PCDH9: variants seen among roughly 807,000 people sequenced by gnomAD.
PCDH9 encodes the protein protocadherin 9.
A neutral mutation model predicts 70.6 loss-of-function variants in PCDH9; 24 were observed. That is an observed-to-expected ratio of 0.34 (90% CI 0.25 to 0.48). The LOEUF is 0.48. Among genes scored for constraint, PCDH9 ranks in the 20% least tolerant of loss-of-function variants. The probability of loss-of-function intolerance (pLI) is 0.99; values close to 1 mark genes in which losing one functional copy is unlikely to be tolerated. For synonymous variants in PCDH9, 562 were observed against 558.5 expected (o/e 1.01, Z -0.09); for missense variants, 1,281 against 1,503.6 (o/e 0.85, Z 2.45).
At chr13:66,871,193 T>A (rs1249701605) in intron 3 of PCDH9, among the ~76,000 whole-genome samples, 2 of 140,284 alleles carry the variant, frequency 1.4e-5, no homozygotes, top group Non-Finnish European at 3.0e-5. Context: ...AACAATGAGA[T>A]CACATGGACA....
In PCDH9 at chr13:66,353,408, C is replaced by T. The variant is rs868491632; in HGVS notation, c.3341-48380G>A. ...TTCATACATCAACTTAGATAAAAAA[C>T]TTCCTGTAGTGTATCTGTGGATGTT... On this transcript the variant is annotated intron_variant, in intron 4 of 4. Coordinates refer to ENST00000377865, the MANE Select transcript of PCDH9 (RefSeq NM_203487.3). 2.0e-5 allele frequency among the ~76,000 whole-genome samples: 3 copies of T among 152,152 alleles called. No individual in the cohort carries two copies. In the South Asian group the frequency reaches 6.2e-4, roughly 32 times the overall value.
intron 2 of PCDH9, among the ~76,000 whole-genome samples, chr13:67,148,176 T>C (rs1410309635): frequency 2.0e-5 from 3 of 151,328 alleles, no homozygotes; most frequent in Non-Finnish European, 2.9e-5. Flanking sequence ...TAAGCGTATC[T>C]AAGATGTTAA....
chr13:66,382,759 G>C (rs773889562), intron 4 of PCDH9, among the ~76,000 whole-genome samples: 24 of 152,170 alleles, frequency 1.6e-4, no homozygotes, highest in Admixed American at 3.9e-4. Flanking sequence ...GGCCAGGCGC[G>C]GTGGCTCACG....
chr13:66,922,648 G>T (rs2082655433), intron 2 of PCDH9, among the ~76,000 whole-genome samples: 1 of 151,428 alleles, frequency 6.6e-6, no homozygotes, highest in African/African-American at 2.4e-5. Flanking sequence ...GGAAAGTTGT[G>T]AATGTAATTG....
Position 66,983,019 on chromosome 13 carries a change from A to T in PCDH9, c.3037-79414T>A, listed in dbSNP as rs549447570. Reference sequence around the variant, plus strand: ...TGTTTGTCAAGTAAAATGTTTATAAAAGTTCTGAGAAATGGGGCAGTTCAC... The same window carrying T: ...TGTTTGTCAAGTAAAATGTTTATAATAGTTCTGAGAAATGGGGCAGTTCAC... On this transcript the variant is annotated intron_variant, in intron 2 of 4. Coordinates refer to ENST00000377865, the MANE Select transcript of PCDH9 (RefSeq NM_203487.3). Among the ~76,000 whole-genome samples, 9 of 152,300 alleles carry T rather than the reference A, an allele frequency of 5.9e-5. No individual in the cohort carries two copies. In the South Asian group the frequency reaches 1.9e-3, roughly 32 times the overall value.
At chr13:66,980,730 G>GTTTTTTTCTTTTTT (rs2083730519) in intron 2 of PCDH9, among the ~76,000 whole-genome samples, 1 of 70,872 alleles carries the variant, frequency 1.4e-5, no homozygotes, top group East Asian at 3.9e-4. Flanking sequence ...TTTTTTCTTT[G>GTTTTTTTCTTTTTT]TTTTTTTTTT....
chr13:66,359,089 T>C (rs1956428569), intron 4 of PCDH9, among the ~76,000 whole-genome samples: 1 of 152,012 alleles, frequency 6.6e-6, no homozygotes, highest in South Asian at 2.1e-4. Flanking sequence ...AAGAGTAAGG[T>C]GAAACATAGA....
At chr13:67,092,800 C>T (rs1038491639) in intron 2 of PCDH9, among the ~76,000 whole-genome samples, 22 of 152,180 alleles carry the variant, frequency 1.4e-4, no homozygotes, top group Non-Finnish European at 2.9e-4. Flanking sequence ...TTTATAACAT[C>T]GTTAGGTTTC....
intron 4 of PCDH9, among the ~76,000 whole-genome samples, chr13:66,605,327 C>G (rs1175425048): frequency 6.6e-6 from 1 of 152,022 alleles, no homozygotes; most frequent in African/African-American, 2.4e-5. Flanking sequence ...TGAAAATCAA[C>G]AAGTAATATA....
chr13:67,208,331 G>T (rs1293151122), intron 2 of PCDH9: 1 of 152,018 alleles, frequency 6.6e-6, no homozygotes, highest in Non-Finnish European at 1.5e-5. Flanking sequence ...TTAAAAAATT[G>T]GTGGGCTTTA....
chr13:66,759,762 T>A (rs1163796380), intron 3 of PCDH9, among the ~76,000 whole-genome samples: 3 of 69,838 alleles, frequency 4.3e-5, no homozygotes, highest in Non-Finnish European at 9.2e-5. Context: ...ATTTTGAATT[T>A]TTGATGTTAT....
At chr13:66,750,722 T>C (rs951359787) in intron 3 of PCDH9, among the ~76,000 whole-genome samples, 1 of 151,850 alleles carries the variant, frequency 6.6e-6, no homozygotes, top group Non-Finnish European at 1.5e-5. Context: ...TTTTTTTTAA[T>C]CTAAAAATGT....
chr13:67,135,323 T>C (rs2087208116), intron 2 of PCDH9, among the ~76,000 whole-genome samples: 1 of 152,076 alleles, frequency 6.6e-6, no homozygotes, highest in Non-Finnish European at 1.5e-5. Context: ...TCATAGTCAG[T>C]TCAAACTGGA....
At chr13:66,386,186 T>C (rs980858543) in intron 4 of PCDH9, among the ~76,000 whole-genome samples, 2 of 152,196 alleles carry the variant, frequency 1.3e-5, no homozygotes, top group Non-Finnish European at 2.9e-5. Context: ...TATGCCATTA[T>C]GCAATTTGTC....
chr13:66,806,575 T>C (rs2080413595), intron 3 of PCDH9, among the ~76,000 whole-genome samples: 1 of 152,196 alleles, frequency 6.6e-6, no homozygotes, highest in South Asian at 2.1e-4. Flanking sequence ...AGCCCACACA[T>C]ACTCACCAAC....
Position 66,980,650 on chromosome 13 carries a change from C to T in PCDH9, c.3037-77045G>A, listed in dbSNP as rs530589967. Among the ~76,000 whole-genome samples the T allele has an allele frequency of 3.3e-5, 5 of 150,768 alleles. No homozygotes were observed. The South Asian group carries it at 6.3e-4, about 19-fold the overall frequency. On this transcript the variant is annotated intron_variant, in intron 2 of 4. Transcript: ENST00000377865. ...CAATTTATAATCATATCTTCCTTTG[C>T]ATGCTCACTTATTTAAAATTCTATC...
At chr13:66,773,371 G>A (rs1196960977) in intron 3 of PCDH9, among the ~76,000 whole-genome samples, 2 of 152,154 alleles carry the variant, frequency 1.3e-5, no homozygotes, top group Non-Finnish European at 2.9e-5. Context: ...GCTCACGCCT[G>A]TAATCCCAGT....
chr13:66,696,783 C>CTTTTTTTTTTTTTTTTT (rs34598874), intron 3 of PCDH9, among the ~76,000 whole-genome samples: 1 of 126,124 alleles, frequency 7.9e-6, no homozygotes, highest in Non-Finnish European at 1.6e-5. Context: ...TTCAGGCAAA[C>CTTTTTTTTTTTTTTTTT]TTTTTTTTTT....
intron 4 of PCDH9, among the ~76,000 whole-genome samples, chr13:66,587,346 T>G (rs1278384343): frequency 1.3e-5 from 2 of 150,436 alleles, no homozygotes; most frequent in Non-Finnish European, 3.0e-5. Flanking sequence ...ATAAATCAAG[T>G]CTTTGGTTGA....
Sources: allele counts gnomAD v4.1 joint callset (sites outside exome capture counted in the v4.1 genomes callset), GRCh38; gene constraint gnomAD v4.1.1; transcripts MANE v1.5; gene names NCBI Gene and HGNC (gene_info 2026-07-23, HGNC 2026-07-21).